MPP7: variants seen among roughly 807,000 people sequenced by gnomAD.
MPP7 encodes MAGUK p55 scaffold protein 7, also known as MAGUK p55 subfamily member 7.
MPP7 carries 60 observed loss-of-function variants against 76.5 expected under a neutral mutation model. The ratio of observed to expected loss-of-function variants is 0.78; its 90% CI spans 0.64 to 0.97. The LOEUF (loss-of-function observed/expected upper bound fraction) is 0.97. Ranked by LOEUF, MPP7 falls within the 50% of genes least tolerant of loss-of-function variation. The pLI is 0.00. For synonymous variants in MPP7, 237 were observed against 244.5 expected (o/e 0.97, Z 0.29); for missense variants, 641 against 694.0 (o/e 0.92, Z 0.86).
At position 28,238,735 on chromosome 10, in the gene MPP7, T is replaced by C. The variant is rs927095001; in HGVS notation, c.-131A>G. 2.7e-5 allele frequency: 22 copies of C among 822,568 alleles called. No individual in the cohort carries two copies. The highest frequency in any genetic ancestry group is 4.0e-5 in the Non-Finnish European group (20 of 505,142). 51.0% of individuals were successfully genotyped at this position (822,568 alleles called of 1,614,324 possible). A position where few individuals can be genotyped will look rare whatever the true frequency, so the allele number is the denominator to read the frequency against. ...AGATCTGTATATTTTGTAAGCCGTT[T>C]CTAGAAAGGAAAGAAACATTTATAT... On this transcript the variant is annotated splice_region_variant and 5_prime_UTR_variant, in exon 2 of 17. Transcript: ENST00000683449.
intron 1 of MPP7, among the ~76,000 whole-genome samples, chr10:28,263,400 A>G (rs1840051577): frequency 1.3e-5 from 2 of 152,182 alleles, no homozygotes; most frequent in Admixed American, 1.3e-4. Context: ...ATGTCAAATA[A>G]AGGAGGTGGG....
chr10:28,178,199 AC>A (rs1335915250), intron 3 of MPP7, among the ~76,000 whole-genome samples: 1 of 151,984 alleles, frequency 6.6e-6, no homozygotes, highest in East Asian at 1.9e-4. Flanking sequence ...TGCCAGCAGT[AC>A]CCCCTCCTCA....
chr10:28,072,594 C>T (rs992088827), intron 12 of MPP7, among the ~76,000 whole-genome samples: 3 of 152,212 alleles, frequency 2.0e-5, no homozygotes, highest in African/African-American at 4.8e-5. Flanking sequence ...TCATTCTCTG[C>T]ACCCCAAATC....
chr10:28,260,769 CAAAAAAAA>C (rs772017051), intron 1 of MPP7, among the ~76,000 whole-genome samples: 9 of 68,364 alleles, frequency 1.3e-4, no homozygotes, highest in Admixed American at 1.3e-3. Flanking sequence ...GACTCCATCT[CAAAAAAAA>C]AAAAAAAAAA....
intron 1 of MPP7, among the ~76,000 whole-genome samples, chr10:28,286,345 CA>C (rs1199440485): frequency 5.6e-5 from 8 of 142,232 alleles, no homozygotes; most frequent in East Asian, 2.6e-4. Context: ...GACTCCACCT[CA>C]AAAAAAAATA....
intron 2 of MPP7, among the ~76,000 whole-genome samples, chr10:28,308,107 T>C (rs765848849): frequency 2.0e-5 from 3 of 152,204 alleles, no homozygotes; most frequent in Non-Finnish European, 2.9e-5. Flanking sequence ...AGAAGGGAAA[T>C]GGTCGCTAGG....
intron 8 of MPP7, among the ~76,000 whole-genome samples, chr10:28,121,225 A>T (rs1834827496): frequency 6.6e-6 from 1 of 151,382 alleles, no homozygotes; most frequent in Non-Finnish European, 1.5e-5. Context: ...GTGAGCTGTG[A>T]TCGCACCACT....
intron 6 of MPP7, 81 bp from the exon 7 acceptor site, chr10:28,125,172 C>A: frequency 1.7e-6 from 2 of 1,192,962 alleles, no homozygotes; most frequent in Non-Finnish European, 1.2e-6. Context: ...GGACATTCAT[C>A]TGAAAAAAGA....
chr10:28,179,075 G>A (rs561574539), intron 3 of MPP7, among the ~76,000 whole-genome samples: 110 of 152,254 alleles, frequency 7.2e-4, no homozygotes, highest in Admixed American at 3.3e-3. Context: ...CTCCAGGACT[G>A]AAAAGGTCCA....
At chr10:28,316,814 C>T (rs1016627362) in intron 2 of MPP7, among the ~76,000 whole-genome samples, 3 of 152,142 alleles carry the variant, frequency 2.0e-5, no homozygotes, top group Admixed American at 1.3e-4. Flanking sequence ...TCCTGTACGG[C>T]GCTCGCTGCC....
rs1459857030 is a variant in MPP7, at chr10:28,131,647, G to A, written c.360C>T (p.Asp120=). ...CTTCAGGCATAGGAGGCAACACTGG[G>A]TCGTAATTCTTCTGAGCCACAGTAT... ...VHDTVAQKNY[D]PVLPPMPEDI... The change falls in exon 6 of 17, where the codon GAC becomes GAT. Residue 120 remains aspartate (D), a synonymous_variant. Coordinates refer to ENST00000683449, the MANE Select transcript of MPP7 (RefSeq NM_001318170.2). 1 of 1,604,330 alleles carries A rather than the reference G, an allele frequency of 6.2e-7. No homozygotes were observed. Among genetic ancestry groups the A allele is most frequent in the East Asian group, 2.3e-5 (1 of 44,106 alleles).
intron 3 of MPP7, among the ~76,000 whole-genome samples, chr10:28,170,515 C>T (rs2133864899): frequency 6.6e-6 from 1 of 151,720 alleles, no homozygotes; most frequent in East Asian, 1.9e-4. Context: ...CAGTTGAGCA[C>T]ACATTAGACT....
chr10:28,323,593 C>T (rs1564772694), intron 2 of MPP7, among the ~76,000 whole-genome samples: 1 of 152,080 alleles, frequency 6.6e-6, no homozygotes. Flanking sequence ...GCCTGTAATC[C>T]CAGTACTTGG....
At chr10:28,166,883 T>C (rs982954948) in intron 3 of MPP7, among the ~76,000 whole-genome samples, 5 of 152,198 alleles carry the variant, frequency 3.3e-5, no homozygotes, top group Non-Finnish European at 5.9e-5. Context: ...GATCACTCAT[T>C]TTGTTCCATA....
chr10:28,112,126 CTTTA>C (rs1834524256), intron 11 of MPP7, among the ~76,000 whole-genome samples: 1 of 152,170 alleles, frequency 6.6e-6, no homozygotes, highest in South Asian at 2.1e-4. Context: ...CAAGTTGTGA[CTTTA>C]TTTAAGCACA....
At chr10:28,277,931 T>C (rs1309610126) in intron 1 of MPP7, among the ~76,000 whole-genome samples, 2 of 152,008 alleles carry the variant, frequency 1.3e-5, no homozygotes, top group African/African-American at 2.4e-5. Flanking sequence ...CATGAAAAAG[T>C]GGACGTATTT....
chr10:28,221,798 T>A (rs1478663630), intron 2 of MPP7, among the ~76,000 whole-genome samples: 1 of 152,206 alleles, frequency 6.6e-6, no homozygotes, highest in Non-Finnish European at 1.5e-5. Context: ...ATTTTTAAAA[T>A]CTAGGTGATT....
Position 28,323,669 on chromosome 10 carries a change from G to A in MPP7, c.-132+6260C>T, listed in dbSNP as rs558045078. Among the ~76,000 whole-genome samples the A allele has an allele frequency of 1.5e-4, 22 of 150,490 alleles. No homozygotes were observed. In the South Asian group the frequency reaches 4.4e-3, roughly 30 times the overall value. ...AGACCAGCTTGGGCAACATAACAAGGCCCTGTTGCTACACACAAAAAATAA... is the reference window on the plus strand; with the variant it reads ...AGACCAGCTTGGGCAACATAACAAGACCCTGTTGCTACACACAAAAAATAA... On this transcript the variant is annotated intron_variant, in intron 2 of 11. Transcript: ENST00000441595.
chr10:28,146,661 C>G (rs937581037), intron 5 of MPP7, among the ~76,000 whole-genome samples: 81 of 152,142 alleles, frequency 5.3e-4, no homozygotes, highest in African/African-American at 1.9e-3. Context: ...AAAGTAGAAA[C>G]TAGTTTTTAC....
Sources: allele counts gnomAD v4.1 joint callset (sites outside exome capture counted in the v4.1 genomes callset), GRCh38; gene constraint gnomAD v4.1.1; transcripts MANE v1.5; gene names NCBI Gene and HGNC (gene_info 2026-07-23, HGNC 2026-07-21).